CNTNAP3: variants seen among roughly 807,000 people sequenced by gnomAD.
CNTNAP3 encodes contactin associated protein family member 3.
Under a neutral mutation model 92.1 loss-of-function variants are expected in CNTNAP3, and 36 were observed. That is an observed-to-expected ratio of 0.39 (90% CI 0.30 to 0.52). CNTNAP3 has a LOEUF of 0.52. Among genes scored for constraint, CNTNAP3 ranks in the 20% least tolerant of loss-of-function variants. The pLI is 0.76. For missense variants in CNTNAP3, 534 were observed against 1,069.6 expected, an observed-to-expected ratio of 0.50 and a Z score of 6.98; for synonymous variants, 232 against 422.3, an observed-to-expected ratio of 0.55 and a Z score of 5.53.
intron 13 of CNTNAP3, among the ~76,000 whole-genome samples, chr9:39,122,169 A>G (rs910137307): frequency 4.6e-5 from 7 of 152,234 alleles, no homozygotes; most frequent in Non-Finnish European, 8.8e-5. Flanking sequence ...CCTGGCTAAC[A>G]TGGTGAAACC....
At chr9:39,255,615 C>T (rs1276660327) in intron 2 of CNTNAP3, among the ~76,000 whole-genome samples, 1 of 67,930 alleles carries the variant, frequency 1.5e-5, no homozygotes, top group African/African-American at 3.1e-5. Flanking sequence ...TAATACACAT[C>T]ACATGAAATT....
intron 21 of CNTNAP3, among the ~76,000 whole-genome samples, chr9:39,083,790 T>A (rs1310977227): frequency 6.6e-6 from 1 of 152,012 alleles, no homozygotes. Flanking sequence ...GTATTTTAGG[T>A]GTCTGCATTC....
At chr9:39,132,083 C>G (rs1026728708) in intron 13 of CNTNAP3, among the ~76,000 whole-genome samples, 1 of 152,002 alleles carries the variant, frequency 6.6e-6, no homozygotes, top group African/African-American at 2.4e-5. Context: ...GGCAGTGAAG[C>G]AATCACAGCT....
At chr9:39,133,361 C>T (rs1391138608) in intron 12 of CNTNAP3, among the ~76,000 whole-genome samples, 1 of 152,166 alleles carries the variant, frequency 6.6e-6, no homozygotes, top group Non-Finnish European at 1.5e-5. Flanking sequence ...TTTGTGACGT[C>T]ACGCCTAAAA....
At chr9:39,104,811 G>T (rs535674884) in intron 15 of CNTNAP3, among the ~76,000 whole-genome samples, 1 of 152,126 alleles carries the variant, frequency 6.6e-6, no homozygotes, top group Non-Finnish European at 1.5e-5. Context: ...AAGGGCTGCT[G>T]TGTTCTCCTC....
At chr9:39,143,433 C>T (rs1408247065) in intron 11 of CNTNAP3, among the ~76,000 whole-genome samples, 2 of 152,086 alleles carry the variant, frequency 1.3e-5, no homozygotes, top group African/African-American at 2.4e-5. Context: ...AATCAGGCAT[C>T]CTGGAGCCAA....
intron 12 of CNTNAP3, among the ~76,000 whole-genome samples, chr9:39,134,962 T>C (rs1821395104): frequency 6.6e-6 from 1 of 152,150 alleles, no homozygotes; most frequent in Non-Finnish European, 1.5e-5. Context: ...ATGATAGATT[T>C]GCAGTCACCC....
chr9:39,114,434 GATCT>G, intron 14 of CNTNAP3, among the ~76,000 whole-genome samples: 1 of 152,116 alleles, frequency 6.6e-6, no homozygotes, highest in East Asian at 1.9e-4. Context: ...AGTGTAGTGA[GATCT>G]TTCTAGTGAG....
intron 13 of CNTNAP3, among the ~76,000 whole-genome samples, chr9:39,129,259 A>G (rs1211034182): frequency 6.6e-6 from 1 of 152,242 alleles, no homozygotes; most frequent in African/African-American, 2.4e-5. Flanking sequence ...TGTTCAAGAC[A>G]GTGTGATATT....
intron 11 of CNTNAP3, among the ~76,000 whole-genome samples, chr9:39,143,284 A>G (rs1056798236): frequency 1.9e-4 from 29 of 151,914 alleles, no homozygotes; most frequent in African/African-American, 7.0e-4. Flanking sequence ...GTCTACCAGA[A>G]GCATGAGGAA....
rs1426261470 is a variant in CNTNAP3, at chr9:39,084,196, T to TTTTTG, written c.3442+1539_3442+1540insCAAAA. ...TGTTCATAGCAGATGCTCACCAAGT[T>TTTTTG]TTTTTTTTTTTTTTTTTTTTGAGAC... is the stretch of plus-strand genomic sequence containing the variant. On this transcript the variant is annotated intron_variant, in intron 21 of 23. Transcript: ENST00000297668. Among the ~76,000 whole-genome samples the TTTTTG allele has an allele frequency of 3.0e-3, 326 of 109,800 alleles. 6 individuals are homozygous for TTTTTG. The highest frequency in any genetic ancestry group is 4.9e-3 in the East Asian group (15 of 3,066). 72.0% of individuals were successfully genotyped at this position (109,800 alleles called of 152,430 possible). A position where few individuals can be genotyped will look rare whatever the true frequency, so the allele number is the denominator to read the frequency against.
Position 39,071,414 on chromosome 9 carries a change from T to C in CNTNAP3, c.*2476A>G, listed in dbSNP as rs1825633424. On this transcript the variant is annotated 3_prime_UTR_variant, in exon 24 of 24. Coordinates refer to ENST00000297668, the MANE Select transcript of CNTNAP3 (RefSeq NM_033655.5). Reference sequence around the variant, plus strand: ...CACCAGTGTCACTATTTTACAGAGATAAGCCTTCAATGTCACATGAACCAC... The same window carrying C: ...CACCAGTGTCACTATTTTACAGAGACAAGCCTTCAATGTCACATGAACCAC... 6.6e-6 allele frequency among the ~76,000 whole-genome samples: 1 copy of C among 151,786 alleles called. No individual in the cohort carries two copies. The highest frequency in any genetic ancestry group is 2.1e-4 in the South Asian group (1 of 4,788).
At chr9:39,079,628 T>C (rs1825882434) in intron 21 of CNTNAP3, among the ~76,000 whole-genome samples, 1 of 148,674 alleles carries the variant, frequency 6.7e-6, no homozygotes, top group Non-Finnish European at 1.5e-5. Flanking sequence ...TAATAACCAC[T>C]ATATCTGATT....
chr9:39,091,487 GTATAT>G (rs1007461134), intron 18 of CNTNAP3, among the ~76,000 whole-genome samples: 3 of 152,074 alleles, frequency 2.0e-5, no homozygotes. Flanking sequence ...CTAAGATATA[GTATAT>G]TATATTAATT....
intron 14 of CNTNAP3, 78 bp from the exon 15 acceptor site, chr9:39,109,365 A>G (rs1039519243): frequency 1.5e-5 from 23 of 1,577,158 alleles, no homozygotes; most frequent in Admixed American, 1.1e-4. Flanking sequence ...TCTTATCTCA[A>G]TTTGAAACCA....
intron 19 of CNTNAP3, 152 bp from the exon 20 acceptor site, chr9:39,087,001 G>T: frequency 9.6e-7 from 1 of 1,042,858 alleles, no homozygotes; most frequent in Non-Finnish European, 1.4e-6. Context: ...ATCTTTCCCG[G>T]AACAGTGATT....
At chr9:39,102,061 T>C (rs183324712) in intron 17 of CNTNAP3, among the ~76,000 whole-genome samples, 21,691 of 134,894 alleles carry the variant, frequency 0.16, 3 homozygotes, top group East Asian at 0.27. Context: ...GGGTGGATCA[T>C]CAGGTCAAGA....
At position 39,100,035 on chromosome 9, in the gene CNTNAP3, C is replaced by A; in HGVS notation, c.2871G>T (p.Gly957=). The change falls in exon 18 of 24, where the codon GGG becomes GGT. Residue 957 remains glycine (G), a synonymous_variant. Transcript: ENST00000297668. ...RATVTPGVEP[G]CAGHCSTYGH... ...CATAGGTGCTGCAGTGTCCTGCACA[C>A]CCTGGCTCCACTCCTGGCGTCACTG... The A allele has an allele frequency of 4.4e-6, 7 of 1,587,268 alleles. No individual in the cohort carries two copies. The highest frequency in any genetic ancestry group is 6.0e-6 in the Non-Finnish European group (7 of 1,166,324).
chr9:39,280,127 C>T lies in CNTNAP3; in HGVS notation c.85+7853G>A, dbSNP rs967177335. Reference sequence around the variant, plus strand: ...CAGGACTTGGGATAAATGCATTCCCCCTGCTGTCTCTCAGAGGCACAGCTG... The same window carrying T: ...CAGGACTTGGGATAAATGCATTCCCTCTGCTGTCTCTCAGAGGCACAGCTG... On this transcript the variant is annotated intron_variant, in intron 1 of 23. Transcript: ENST00000297668. Among the ~76,000 whole-genome samples the T allele has an allele frequency of 3.0e-4, 16 of 53,424 alleles. 2 individuals carry two copies. Among genetic ancestry groups the T allele is most frequent in the African/African-American group, 6.4e-4 (15 of 23,272 alleles). The allele number at this position is 53,424 out of a possible 152,430, so 35.0% of individuals were successfully genotyped here.
Sources: allele counts gnomAD v4.1 joint callset (sites outside exome capture counted in the v4.1 genomes callset), GRCh38; gene constraint gnomAD v4.1.1; transcripts MANE v1.5; gene names NCBI Gene and HGNC (gene_info 2026-07-23, HGNC 2026-07-21).